Variants in USP47 observed in about 807,000 individuals in gnomAD.
The protein encoded by USP47 is ubiquitin carboxyl-terminal hydrolase 47.
Under a neutral mutation model 165.1 loss-of-function variants are expected in USP47, and 35 were observed. The ratio of observed to expected loss-of-function variants is 0.21; its 90% CI spans 0.16 to 0.28. The LOEUF is 0.28. USP47 is among the 10% of genes least tolerant of loss of function. The pLI is 1.00. For synonymous variants in USP47, 531 were observed against 544.5 expected (o/e 0.98, Z 0.35); for missense variants, 1,277 against 1,607.4 (o/e 0.79, Z 3.52).
intron 18 of USP47, among the ~76,000 whole-genome samples, chr11:11,940,077 A>G (rs1242785760): frequency 6.6e-6 from 1 of 152,020 alleles, no homozygotes; most frequent in Non-Finnish European, 1.5e-5. Context: ...GAAGTTCAAC[A>G]TTTTGATATC....
intron 4 of USP47, among the ~76,000 whole-genome samples, chr11:11,893,527 C>A (rs1174397685): frequency 6.6e-6 from 1 of 152,158 alleles, no homozygotes; most frequent in African/African-American, 2.4e-5. Flanking sequence ...GCCTCGAACT[C>A]CTAGGCTCAA....
chr11:11,907,925 G>T (rs556648734), intron 8 of USP47, among the ~76,000 whole-genome samples: 1 of 151,862 alleles, frequency 6.6e-6, no homozygotes, highest in Non-Finnish European at 1.5e-5. Context: ...ATGAAACCTC[G>T]TCTCTACTAA....
Position 11,905,524 on chromosome 11 carries a change from G to A in USP47, c.945G>A (p.Gly315=). 1 of 1,607,144 alleles carries A rather than the reference G, an allele frequency of 6.2e-7. No homozygotes were observed. The highest frequency in any genetic ancestry group is 8.5e-7 in the Non-Finnish European group (1 of 1,175,314). ...LDIPLVIRPY[G]SSQAFASVEE... ...TTCCATTGGTCATCCGACCTTATGG[G>A]TCCAGCCAAGCATTTGCTAGTGTGG... Residue 315 remains glycine, a synonymous_variant, in exon 8 of 28, where the codon GGG becomes GGA. Coordinates refer to ENST00000527733, the MANE Select transcript of USP47 (RefSeq NM_001282659.2).
chr11:11,910,883 A>G (rs993897908), intron 8 of USP47, among the ~76,000 whole-genome samples: 2 of 152,218 alleles, frequency 1.3e-5, no homozygotes, highest in African/African-American at 4.8e-5. Flanking sequence ...TCTCAGTTTG[A>G]GTTAAAAAAG....
chr11:11,915,658 T>C (rs1361776577), intron 8 of USP47, among the ~76,000 whole-genome samples: 1 of 152,102 alleles, frequency 6.6e-6, no homozygotes, highest in Non-Finnish European at 1.5e-5. Flanking sequence ...GAATTTACAA[T>C]TATCTCAAAA....
At chr11:11,878,714 ATAT>A (rs1184471790) in intron 1 of USP47, 2 of 152,070 alleles carry the variant, frequency 1.3e-5, no homozygotes, top group African/African-American at 4.8e-5. Flanking sequence ...TTTATTTTAA[ATAT>A]TATACTTTTA....
rs371369838 is a variant in USP47, at chr11:11,846,840, G to A, written c.39+4616G>A. Among the ~76,000 whole-genome samples, 11 of 152,200 alleles carry A rather than the reference G, an allele frequency of 7.2e-5. No homozygotes were observed. In the South Asian group the frequency reaches 2.3e-3, roughly 32 times the overall value. The stretch of plus-strand genomic sequence containing the variant: ...TCCTAATTAAATTACCTGAGGAAAT[G>A]TGCTGCAATTGTCATTCTTGATTTT... On this transcript the variant is annotated intron_variant, in intron 1 of 27. Coordinates refer to ENST00000527733, the MANE Select transcript of USP47 (RefSeq NM_001282659.2).
At chr11:11,883,088 C>T (rs1850934699) in intron 2 of USP47, among the ~76,000 whole-genome samples, 1 of 152,150 alleles carries the variant, frequency 6.6e-6, no homozygotes, top group African/African-American at 2.4e-5. Context: ...TATACAGACA[C>T]TTACTGAGGT....
At chr11:11,852,572 G>A (rs1848788536) in intron 1 of USP47, among the ~76,000 whole-genome samples, 1 of 150,112 alleles carries the variant, frequency 6.7e-6, no homozygotes, top group South Asian at 2.1e-4. Context: ...GAGGTCTTTT[G>A]GTGTACTAAA....
At chr11:11,922,209 T>C (rs1853887502) in intron 10 of USP47, among the ~76,000 whole-genome samples, 1 of 151,990 alleles carries the variant, frequency 6.6e-6, no homozygotes, top group African/African-American at 2.4e-5. Flanking sequence ...GTAACCATTA[T>C]ATTTCTACTT....
chr11:11,902,360 A>G (rs932397672), intron 5 of USP47, among the ~76,000 whole-genome samples: 1 of 152,206 alleles, frequency 6.6e-6, no homozygotes, highest in African/African-American at 2.4e-5. Context: ...TGTATGCCGT[A>G]GTATCTCACG....
At chr11:11,942,228 G>A (rs1855524054) in intron 19 of USP47, 107 bp from the exon 20 acceptor site, 2 of 1,255,260 alleles carry the variant, frequency 1.6e-6, no homozygotes, top group Admixed American at 2.4e-5. Context: ...CATCACACAT[G>A]TTATAACATA....
At chr11:11,867,561 C>A (rs1475425703) in intron 1 of USP47, among the ~76,000 whole-genome samples, 1 of 151,882 alleles carries the variant, frequency 6.6e-6, no homozygotes, top group Non-Finnish European at 1.5e-5. Context: ...CAATTTTGAA[C>A]CACTTTTTTA....
intron 1 of USP47, among the ~76,000 whole-genome samples, chr11:11,842,889 T>C (rs1012265698): frequency 1.4e-5 from 2 of 146,596 alleles, no homozygotes; most frequent in Non-Finnish European, 3.0e-5. Flanking sequence ...CCAATTTGAG[T>C]GACTTCTTAA....
intron 15 of USP47, 125 bp from the exon 16 acceptor site, chr11:11,933,706 A>G (rs563153921): frequency 1.6e-6 from 1 of 625,986 alleles, no homozygotes; most frequent in African/African-American, 1.8e-5. Context: ...GAATAGATAG[A>G]AGAGTGATCT....
At position 11,938,372 on chromosome 11, in the gene USP47, GGT is replaced by G; in HGVS notation, c.2193+1_2193+2del. 6.2e-7 allele frequency: 1 copy of G among 1,610,878 alleles called. No individual in the cohort carries two copies. Among genetic ancestry groups the G allele is most frequent in the Non-Finnish European group, 8.5e-7 (1 of 1,178,108 alleles). On this transcript the variant is annotated splice_donor_variant, in intron 18 of 27. Coordinates refer to ENST00000527733, the MANE Select transcript of USP47 (RefSeq NM_001282659.2). LOFTEE classifies it high-confidence loss of function. ...CAGAATTCAAACAACTGATTTCAAA[GGT>G]AAGTTTTAAAAGGGGTCTGTAAATA...
intron 1 of USP47, among the ~76,000 whole-genome samples, chr11:11,847,131 C>T (rs1219137041): frequency 6.6e-6 from 1 of 152,082 alleles, no homozygotes; most frequent in Non-Finnish European, 1.5e-5. Context: ...AGAAGGAATA[C>T]ACTAAAATAT....
At chr11:11,899,836 A>G (rs1239892225) in intron 5 of USP47, among the ~76,000 whole-genome samples, 1 of 152,158 alleles carries the variant, frequency 6.6e-6, no homozygotes, top group African/African-American at 2.4e-5. Flanking sequence ...CAGGTGGGGA[A>G]ACAAAGCCTG....
At chr11:11,915,214 G>GA (rs1394392379) in intron 8 of USP47, among the ~76,000 whole-genome samples, 3 of 152,122 alleles carry the variant, frequency 2.0e-5, no homozygotes, top group Non-Finnish European at 4.4e-5. Context: ...TATTCCGAGT[G>GA]AAAAAAGCCA....
Sources: allele counts gnomAD v4.1 joint callset (sites outside exome capture counted in the v4.1 genomes callset), GRCh38; gene constraint gnomAD v4.1.1; transcripts MANE v1.5; gene names NCBI Gene and HGNC (gene_info 2026-07-23, HGNC 2026-07-21).